CENPP: variants seen among roughly 807,000 people sequenced by gnomAD.
The protein encoded by CENPP is centromere protein P.
CENPP carries 24 observed loss-of-function variants against 35.6 expected under a neutral mutation model. The observed-to-expected ratio is 0.67, with a 90% CI of 0.49 to 0.95. The LOEUF is 0.95. Among genes scored for constraint, CENPP ranks in the 40% least tolerant of loss-of-function variants. The pLI, the probability that CENPP is intolerant of heterozygous loss-of-function variation, is 0.00. For synonymous variants in CENPP, 120 were observed against 125.5 expected (o/e 0.96, Z 0.29); for missense variants, 332 against 345.3 (o/e 0.96, Z 0.31).
chr9:92,510,136 C>T (rs1326561408), intron 5 of CENPP: 2 of 1,351,354 alleles, frequency 1.5e-6, no homozygotes, highest in African/African-American at 1.5e-5. Flanking sequence ...CCTATCCTTC[C>T]TTAGGCTTAG....
At chr9:92,354,857 G>C (rs567114406) in intron 4 of CENPP, among the ~76,000 whole-genome samples, 1 of 152,164 alleles carries the variant, frequency 6.6e-6, no homozygotes, top group African/African-American at 2.4e-5. Flanking sequence ...GCCGCTGGGG[G>C]TGACGTCACA....
Position 92,516,072 on chromosome 9 carries a change from T to G in CENPP, c.565-95242T>G, listed in dbSNP as rs188372049. Among the ~76,000 whole-genome samples the G allele has an allele frequency of 8.0e-3, 1,124 of 139,800 alleles. 26 individuals carry two copies. The highest frequency in any genetic ancestry group is 0.026 in the African/African-American group (997 of 38,600). 91.7% of individuals were successfully genotyped at this position (139,800 alleles called of 152,430 possible). A position where few individuals can be genotyped will look rare whatever the true frequency, so the allele number is the denominator to read the frequency against. Reference sequence around the variant, plus strand: ...TGATTTCACAGTGCATACTTTTTTTTCCCCCCCCCGAGACGGAGTCTTGCT... The same window carrying G: ...TGATTTCACAGTGCATACTTTTTTTGCCCCCCCCCGAGACGGAGTCTTGCT... On this transcript the variant is annotated intron_variant, in intron 5 of 7. Coordinates refer to ENST00000375587, the MANE Select transcript of CENPP (RefSeq NM_001012267.3).
At position 92,618,711 on chromosome 9, in the gene CENPP, A is replaced by AT. The variant is rs1851526735; in HGVS notation, c.*5565dup. ...AGTTAGCCCTATAATGTTCCTCAGT[A>AT]TTTCATATTGGAAAGTAAACAATTC... On this transcript the variant is annotated 3_prime_UTR_variant, in exon 8 of 8. Coordinates refer to ENST00000375587, the MANE Select transcript of CENPP (RefSeq NM_001012267.3). The AT allele has an allele frequency of 2.7e-6, 1 of 372,664 alleles. No individual in the cohort carries two copies. The highest frequency in any genetic ancestry group is 2.0e-5 in the South Asian group (1 of 49,662). The allele number at this position is 372,664 out of a possible 1,614,324, so 23.1% of individuals were successfully genotyped here. A position where few individuals can be genotyped will look rare whatever the true frequency, so the allele number is the denominator to read the frequency against.
intron 5 of CENPP, among the ~76,000 whole-genome samples, chr9:92,393,871 G>A (rs1288988038): frequency 6.6e-6 from 1 of 152,032 alleles, no homozygotes; most frequent in Non-Finnish European, 1.5e-5. Flanking sequence ...TTTTTGGCAG[G>A]AGTACCATGG....
chr9:92,422,010 A>G (rs536907660), intron 5 of CENPP, among the ~76,000 whole-genome samples: 19 of 152,144 alleles, frequency 1.2e-4, no homozygotes, highest in African/African-American at 4.3e-4. Context: ...TTTATGTATA[A>G]TTTTATAATA....
intron 5 of CENPP, among the ~76,000 whole-genome samples, chr9:92,609,092 A>C (rs1015614808): frequency 2.6e-4 from 40 of 152,274 alleles, no homozygotes; most frequent in Admixed American, 1.2e-3. Context: ...TGCGGCTTAA[A>C]AATCAACCAA....
intron 4 of CENPP, among the ~76,000 whole-genome samples, chr9:92,348,841 T>A (rs987080433): frequency 2.0e-5 from 3 of 152,226 alleles, no homozygotes; most frequent in South Asian, 2.1e-4. Flanking sequence ...ATAAAAAACA[T>A]ATATCTTTAA....
chr9:92,540,445 A>AT (rs1849291481), intron 5 of CENPP, among the ~76,000 whole-genome samples: 1 of 151,634 alleles, frequency 6.6e-6, no homozygotes. Context: ...CAAAAAAAAA[A>AT]AAAAAATGAG....
chr9:92,611,514 T>A (rs1851249580), intron 6 of CENPP, 121 bp downstream of exon 6: 1 of 733,422 alleles, frequency 1.4e-6, no homozygotes, highest in Non-Finnish European at 2.2e-6. Flanking sequence ...AGGTCGTCGG[T>A]TGGAGGAATC....
chr9:92,397,623 C>T (rs552165849), intron 5 of CENPP, among the ~76,000 whole-genome samples: 2 of 152,346 alleles, frequency 1.3e-5, no homozygotes, highest in Admixed American at 6.5e-5. Flanking sequence ...AGCCACCACA[C>T]CCGGCCAGCA....
intron 4 of CENPP, among the ~76,000 whole-genome samples, chr9:92,378,355 C>G (rs1842169673): frequency 6.6e-6 from 1 of 152,054 alleles, no homozygotes; most frequent in African/African-American, 2.4e-5. Context: ...ATGGTCTTTC[C>G]TGGGGCCTTT....
intron 5 of CENPP, among the ~76,000 whole-genome samples, chr9:92,458,736 G>A (rs1844977661): frequency 6.6e-6 from 1 of 152,202 alleles, no homozygotes; most frequent in Admixed American, 6.5e-5. Flanking sequence ...GGATGGGGCA[G>A]CTTGAGAGAG....
intron 5 of CENPP, among the ~76,000 whole-genome samples, chr9:92,569,433 G>T (rs987018967): frequency 4.6e-5 from 7 of 152,104 alleles, no homozygotes; most frequent in Non-Finnish European, 8.8e-5. Context: ...CTGTTCCATT[G>T]GTCTATATCT....
At chr9:92,592,668 C>G (rs1167306990) in intron 5 of CENPP, among the ~76,000 whole-genome samples, 1 of 152,204 alleles carries the variant, frequency 6.6e-6, no homozygotes, top group African/African-American at 2.4e-5. Context: ...ATATGCTCAG[C>G]TTTGGTACCT....
chr9:92,588,299 A>G (rs1016947243), intron 5 of CENPP, among the ~76,000 whole-genome samples: 59 of 151,098 alleles, frequency 3.9e-4, no homozygotes, highest in Non-Finnish European at 7.4e-4. Flanking sequence ...CCCAGGCTGG[A>G]GTGCAGTGGC....
intron 5 of CENPP, chr9:92,517,573 A>T: frequency 7.2e-7 from 1 of 1,389,638 alleles, no homozygotes; most frequent in Non-Finnish European, 9.9e-7. Context: ...CCAATATTTT[A>T]AGTACTCAGA....
At chr9:92,456,892 T>C in intron 5 of CENPP, 1 of 965,566 alleles carries the variant, frequency 1.0e-6, no homozygotes, top group Non-Finnish European at 1.2e-6. Flanking sequence ...AATTCTGTTT[T>C]TCTAACAGCA....
At chr9:92,370,437 T>C (rs1288745255) in intron 4 of CENPP, among the ~76,000 whole-genome samples, 1 of 152,150 alleles carries the variant, frequency 6.6e-6, no homozygotes, top group African/African-American at 2.4e-5. Context: ...CGGCTGTTAC[T>C]CCTTCTGGTC....
chr9:92,325,837 C>G, upstream of CENPP: 1 of 567,744 alleles, frequency 1.8e-6, no homozygotes, highest in Non-Finnish European at 3.1e-6. Context: ...CGGAGTTGGA[C>G]GTGCAGGGCC....
Sources: allele counts gnomAD v4.1 joint callset (sites outside exome capture counted in the v4.1 genomes callset), GRCh38; gene constraint gnomAD v4.1.1; transcripts MANE v1.5; gene names NCBI Gene and HGNC (gene_info 2026-07-23, HGNC 2026-07-21).